The following SLC24A2 variants were observed in gnomAD, a reference collection of about 807,000 sequenced individuals.
SLC24A2 encodes sodium/potassium/calcium exchanger 2.
A neutral mutation model predicts 62.0 loss-of-function variants in SLC24A2; 36 were observed. That is an observed-to-expected ratio of 0.58 (90% CI 0.44 to 0.77). SLC24A2 has a LOEUF of 0.77. Among genes scored for constraint, SLC24A2 ranks in the 30% least tolerant of loss-of-function variants. SLC24A2 has a pLI of 0.00. For synonymous variants in SLC24A2, 358 were observed against 294.0 expected (o/e 1.22, Z -2.23); for missense variants, 846 against 817.9 (o/e 1.03, Z -0.42).
chr9:20,270,154 C>T, the SLC24A2 span, among the ~76,000 whole-genome samples: 8 of 152,128 alleles, frequency 5.3e-5, no homozygotes, highest in Non-Finnish European at 5.9e-5. Context: ...TTCACAACCA[C>T]CAGAAGGGCA....
At chr9:20,017,269 T>G in the SLC24A2 span, among the ~76,000 whole-genome samples, 2 of 152,164 alleles carry the variant, frequency 1.3e-5, no homozygotes, top group African/African-American at 4.8e-5. Context: ...GTGATCCACC[T>G]GCCTCAGCCT....
At chr9:19,826,091 TA>T in the SLC24A2 span, among the ~76,000 whole-genome samples, 1 of 143,690 alleles carries the variant, frequency 7.0e-6, no homozygotes, top group Non-Finnish European at 1.5e-5. Flanking sequence ...TGAATGCAAT[TA>T]AACCAGGGAA....
At chr9:19,702,480 G>A (rs919705922) in intron 2 of SLC24A2, among the ~76,000 whole-genome samples, 2 of 152,070 alleles carry the variant, frequency 1.3e-5, no homozygotes, top group African/African-American at 4.8e-5. Flanking sequence ...GTGACTTGTC[G>A]CATAACAGAA....
the SLC24A2 span, among the ~76,000 whole-genome samples, chr9:19,991,303 G>C: frequency 2.0e-5 from 3 of 152,116 alleles, no homozygotes; most frequent in Non-Finnish European, 4.4e-5. Flanking sequence ...TGATGTTCGA[G>C]GGCAGGAAGC....
At chr9:19,782,915 G>C (rs1316774822) in intron 2 of SLC24A2, among the ~76,000 whole-genome samples, 2 of 152,018 alleles carry the variant, frequency 1.3e-5, no homozygotes, top group Non-Finnish European at 2.9e-5. Context: ...TTTCCTTTTT[G>C]AGTTAAAGCC....
chr9:19,953,150 T>G, the SLC24A2 span, among the ~76,000 whole-genome samples: 1 of 151,982 alleles, frequency 6.6e-6, no homozygotes, highest in Non-Finnish European at 1.5e-5. Context: ...AATTTGTGTC[T>G]TCCCTGTTCT....
the SLC24A2 span, among the ~76,000 whole-genome samples, chr9:19,986,602 T>C: frequency 6.6e-6 from 1 of 152,018 alleles, no homozygotes; most frequent in Admixed American, 6.6e-5. Context: ...GTAATATTAT[T>C]CAGCCACAAA....
At chr9:19,911,657 GTTTT>G in the SLC24A2 span, among the ~76,000 whole-genome samples, 1 of 152,152 alleles carries the variant, frequency 6.6e-6, no homozygotes, top group Non-Finnish European at 1.5e-5. Flanking sequence ...CTCAACTGTG[GTTTT>G]ATCCTAAAGT....
At chr9:19,683,731 C>A (rs754987383) in intron 2 of SLC24A2, among the ~76,000 whole-genome samples, 1 of 152,086 alleles carries the variant, frequency 6.6e-6, no homozygotes, top group East Asian at 1.9e-4. Flanking sequence ...ATAAGCAGAA[C>A]TGAAATTTTA....
At chr9:19,678,979 T>C (rs1241724249) in intron 2 of SLC24A2, among the ~76,000 whole-genome samples, 1 of 152,218 alleles carries the variant, frequency 6.6e-6, no homozygotes, top group Non-Finnish European at 1.5e-5. Context: ...CTTATACAAC[T>C]GACTGAATGC....
At chr9:19,942,250 T>C in the SLC24A2 span, among the ~76,000 whole-genome samples, 1 of 152,212 alleles carries the variant, frequency 6.6e-6, no homozygotes, top group South Asian at 2.1e-4. Flanking sequence ...AGTGACTGCA[T>C]CCATGCTAAA....
the SLC24A2 span, among the ~76,000 whole-genome samples, chr9:20,219,414 C>T: frequency 6.6e-6 from 1 of 152,134 alleles, no homozygotes; most frequent in Admixed American, 6.5e-5. Flanking sequence ...GAGTAAATCA[C>T]CTAGGGCTGA....
the SLC24A2 span, among the ~76,000 whole-genome samples, chr9:20,071,180 C>A: frequency 1.1e-4 from 17 of 152,302 alleles, no homozygotes; most frequent in South Asian, 3.3e-3. Context: ...GCCTTCAGAA[C>A]TGTGGGCCAG....
chr9:20,077,111 T>G, the SLC24A2 span, among the ~76,000 whole-genome samples: 56,870 of 151,378 alleles, frequency 0.38, 10,912 homozygotes, highest in Middle Eastern at 0.51. Context: ...AAATAGAGAA[T>G]AAAAAAGTGG....
chr9:19,516,355 G>A lies in SLC24A2; in HGVS notation c.1784C>T (p.Pro595Leu). Residue 595 changes from proline (P) to leucine (L), a missense_variant, in exon 11 of 11, where the codon CCA becomes CTA. By Grantham distance (98) the Pro-to-Leu change is moderately conservative (BLOSUM62 -3). Coordinates refer to ENST00000341998, the MANE Select transcript of SLC24A2 (RefSeq NM_020344.4). ...AAGGCCATTGCTGCTGACAGCCACT[G>A]GCTGGAATCTGTGAATGACGGTGTA... is the stretch of plus-strand genomic sequence containing the variant. ...LLYTVIHRFQ[P>L]VAVSSNGLFC... 1 of 1,614,160 alleles carries A rather than the reference G, an allele frequency of 6.2e-7. No individual in the cohort carries two copies. Among genetic ancestry groups the A allele is most frequent in the Non-Finnish European group, 8.5e-7 (1 of 1,180,016 alleles).
chr9:20,135,658 A>C, the SLC24A2 span, among the ~76,000 whole-genome samples: 1 of 152,170 alleles, frequency 6.6e-6, no homozygotes, highest in Non-Finnish European at 1.5e-5. Flanking sequence ...CAGAGGGGTT[A>C]CAACTACACA....
At chr9:20,094,577 G>C in the SLC24A2 span, among the ~76,000 whole-genome samples, 102 of 152,232 alleles carry the variant, frequency 6.7e-4, 1 homozygote, top group East Asian at 0.017. Context: ...TGTGAAAATA[G>C]TATAGCAAAA....
At chr9:19,790,364 C>T (rs1365926178), upstream of SLC24A2, among the ~76,000 whole-genome samples, 1 of 151,986 alleles carries the variant, frequency 6.6e-6, no homozygotes, top group Admixed American at 6.5e-5. Flanking sequence ...CATCTATACC[C>T]CTTTTTCCTA....
chr9:19,896,002 T>C, the SLC24A2 span: 9 of 1,560,732 alleles, frequency 5.8e-6, no homozygotes, highest in South Asian at 1.1e-5. Context: ...TGCCTCAGTG[T>C]GACGGCAGGG....
Sources: gnomAD v4.1 joint callset for allele counts (sites outside exome capture counted in the v4.1 genomes callset) on GRCh38, gnomAD v4.1.1 for gene constraint, MANE v1.5 for transcripts, NCBI Gene and HGNC (gene_info 2026-07-23, HGNC 2026-07-21) for gene names.